The following C2CD2 variants were observed in gnomAD, a reference collection of about 807,000 sequenced individuals.
C2CD2 encodes C2 calcium dependent domain containing 2, also known as C2 domain-containing protein 2.
In C2CD2, 43 loss-of-function variants were observed where a neutral mutation model predicts 74.3. The observed-to-expected ratio is 0.58, with a 90% confidence interval of 0.45 to 0.75. The LOEUF is 0.75. Ranked by LOEUF, C2CD2 falls within the 30% of genes least tolerant of loss-of-function variation. The pLI is 0.00. For missense variants in C2CD2, 801 were observed against 916.3 expected (o/e 0.87, Z 1.63); for synonymous variants, 422 against 390.7 (o/e 1.08, Z -0.94).
At chr21:41,905,858 T>C (rs759932578) in intron 10 of C2CD2, 21 bp from the exon 11 acceptor site, 1 of 1,376,580 alleles carries the variant, frequency 7.3e-7, no homozygotes, top group Non-Finnish European at 1.0e-6. Context: ...AAGATCCTGA[T>C]TACAAAAGCG....
intron 6 of C2CD2, among the ~76,000 whole-genome samples, chr21:41,914,061 G>C (rs35769379): frequency 0.35 from 52,437 of 151,812 alleles, 9,521 homozygotes; most frequent in South Asian, 0.43. Flanking sequence ...AACCCTGTCT[G>C]TACTAAAAAT....
chr21:41,930,289 G>A (rs1180645414), intron 2 of C2CD2, among the ~76,000 whole-genome samples: 1 of 150,090 alleles, frequency 6.7e-6, no homozygotes, highest in African/African-American at 2.4e-5. Context: ...GGAGGTAAGA[G>A]GCTATAATTG....
rs1375216870 is a variant in C2CD2, at chr21:41,939,854, C to T, written c.378+2293G>A. On this transcript the variant is annotated intron_variant, in intron 2 of 13. Coordinates refer to ENST00000380486, the MANE Select transcript of C2CD2 (RefSeq NM_015500.2). This position sits in a 1 kb window ranked among gnomAD's most constrained non-coding sequence, Gnocchi z 5.5. ...ATACTTGGTCAAGCTGAAGTATGCA[C>T]ACCAGTGACCCGCCAGGCTCATGCC... Among the ~76,000 whole-genome samples, 2 of 152,210 alleles carry T rather than the reference C, an allele frequency of 1.3e-5. No homozygotes were observed. Among genetic ancestry groups the T allele is most frequent in the African/African-American group, 2.4e-5 (1 of 41,448 alleles).
rs1216792855 is a variant in C2CD2 at position 41,922,099 on chromosome 21, A to T, written c.379-14T>A. On this transcript the variant is annotated splice_polypyrimidine_tract_variant and intron_variant, in intron 2 of 13. Coordinates refer to ENST00000380486, the MANE Select transcript of C2CD2 (RefSeq NM_015500.2). Reference sequence around the variant, plus strand: ...ACAGACCACCACCTGGAGGAGGCACAGGTAAGGGAGAAAACTGTATCCAAA... The same window carrying T: ...ACAGACCACCACCTGGAGGAGGCACTGGTAAGGGAGAAAACTGTATCCAAA... 6.7e-7 allele frequency: 1 copy of T among 1,488,278 alleles called. No homozygotes were observed. Among genetic ancestry groups the T allele is most frequent in the Non-Finnish European group, 9.4e-7 (1 of 1,065,520 alleles). The allele number at this position is 1,488,278 out of a possible 1,614,324, so 92.2% of individuals were successfully genotyped here.
chr21:41,949,293 G>A (rs1026356738), intron 1 of C2CD2, among the ~76,000 whole-genome samples: 9 of 152,146 alleles, frequency 5.9e-5, no homozygotes, highest in Non-Finnish European at 1.2e-4. Flanking sequence ...TGATGTAATC[G>A]CAGGGGAGCA....
chr21:41,889,962 T>A (rs1009379284), intron 13 of C2CD2, among the ~76,000 whole-genome samples: 1 of 152,164 alleles, frequency 6.6e-6, no homozygotes, highest in Non-Finnish European at 1.5e-5. Flanking sequence ...TGATTTTCTA[T>A]CAGACCAAAT....
In C2CD2 at chr21:41,907,110, AG is replaced by A; in HGVS notation, c.1199del (p.Pro400LeufsTer5). On this transcript the variant is annotated frameshift_variant, in exon 10 of 14. Transcript: ENST00000380486. LOFTEE classifies it high-confidence loss of function. ...TGCGGTCCTTTTCTATTTTTGCAGC[AG>A]GAACAGGGGGAGGGATGGGCCAGGA... ...LKSWPIPPPV[P>X]AAKIEKDRTV... 6.2e-7 allele frequency: 1 copy of A among 1,614,080 alleles called. No homozygotes were observed. Among genetic ancestry groups the A allele is most frequent in the Non-Finnish European group, 8.5e-7 (1 of 1,179,894 alleles).
In C2CD2 at chr21:41,899,240, C is replaced by T. The variant is rs757087434; in HGVS notation, c.1683G>A (p.Glu561=). ...PERAAASAPP[E]EAESAQASLA... ...GGGATGCCTGGGCTGACTCGGCTTC[C>T]TCTGGCGGGGCAGAGGCTGCCGCCC... The change falls in exon 13 of 14, where the codon GAG becomes GAA. Residue 561 remains glutamate (E), a synonymous_variant. Transcript: ENST00000380486. This position sits in a 1 kb window ranked among gnomAD's most constrained non-coding sequence, Gnocchi z 4.4. The T allele has an allele frequency of 6.2e-7, 1 of 1,612,532 alleles. No homozygotes were observed. Among genetic ancestry groups the T allele is most frequent in the Admixed American group, 1.7e-5 (1 of 59,878 alleles).
intron 1 of C2CD2, among the ~76,000 whole-genome samples, chr21:41,944,251 G>A (rs544286616): frequency 6.6e-6 from 1 of 152,228 alleles, no homozygotes; most frequent in African/African-American, 2.4e-5. Flanking sequence ...CACGGCTCAC[G>A]CCTGTAACCC....
At chr21:41,898,403 A>T (rs1460665731) in intron 13 of C2CD2, among the ~76,000 whole-genome samples, 2 of 152,208 alleles carry the variant, frequency 1.3e-5, no homozygotes, top group African/African-American at 2.4e-5. Flanking sequence ...TGTCCTTAGC[A>T]AATACATTCA....
At chr21:41,930,399 C>T (rs1232623193) in intron 2 of C2CD2, among the ~76,000 whole-genome samples, 1 of 149,834 alleles carries the variant, frequency 6.7e-6, no homozygotes, top group South Asian at 2.1e-4. Context: ...TACTCTTTTT[C>T]TTAGAAAATG....
chr21:41,922,531 G>A (rs980128255), intron 2 of C2CD2, among the ~76,000 whole-genome samples: 1 of 150,334 alleles, frequency 6.7e-6, no homozygotes, highest in African/African-American at 2.5e-5. Flanking sequence ...CTGAAGTGCA[G>A]TGGAGCAATC....
chr21:41,936,441 C>A (rs2065307795), intron 2 of C2CD2, among the ~76,000 whole-genome samples: 1 of 152,188 alleles, frequency 6.6e-6, no homozygotes, highest in Non-Finnish European at 1.5e-5. Context: ...TGAGCAATAA[C>A]AAGTGCTGGT....
chr21:41,943,323 C>T (rs947893143), intron 1 of C2CD2, among the ~76,000 whole-genome samples: 5 of 152,054 alleles, frequency 3.3e-5, no homozygotes, highest in African/African-American at 9.7e-5. Context: ...AAACGAGAGA[C>T]GCACAATTAA....
At chr21:41,921,133 T>C (rs2065149868) in intron 3 of C2CD2, among the ~76,000 whole-genome samples, 1 of 152,218 alleles carries the variant, frequency 6.6e-6, no homozygotes, top group Non-Finnish European at 1.5e-5. Context: ...CATGCCTTTG[T>C]AGGAAAAGCA....
intron 7 of C2CD2, among the ~76,000 whole-genome samples, chr21:41,910,273 C>G (rs1310056825): frequency 1.3e-5 from 2 of 152,162 alleles, no homozygotes; most frequent in Non-Finnish European, 2.9e-5. Flanking sequence ...CTAAACAACC[C>G]TTCTTAATGT....
At position 41,889,274 on chromosome 21, in the gene C2CD2, A is replaced by T. The variant is rs1358927396; in HGVS notation, c.1941T>A (p.Ser647Arg). The change falls in exon 14 of 14, where the codon AGT (serine) becomes AGA (arginine). Residue 647 changes from serine (S) to arginine (R), a missense_variant. By Grantham distance (110) the Ser-to-Arg change is moderately radical. Coordinates refer to ENST00000380486, the MANE Select transcript of C2CD2 (RefSeq NM_015500.2). ...RRHQQKDPGM[S>R]QSHNDLVFLE... ...GGAACACAAGGTCATTGTGTGACTG[A>T]CTCATGCCTGGGTCTTTCTGTTGAT... The T allele has an allele frequency of 1.2e-6, 2 of 1,613,908 alleles. No individual in the cohort carries two copies. Among genetic ancestry groups the T allele is most frequent in the Non-Finnish European group, 1.7e-6 (2 of 1,179,986 alleles).
At position 41,899,486 on chromosome 21, in the gene C2CD2, G is replaced by A. The variant is rs1488747716; in HGVS notation, c.1561-124C>T. On this transcript the variant is annotated intron_variant, in intron 12 of 13. Transcript: ENST00000380486. This position sits in a 1 kb window ranked among gnomAD's most constrained non-coding sequence, Gnocchi z 4.4. ...TTTCAAAGTCTCAGAAGATGCAGCC[G>A]TGGGCCTCATAGAAGGCGCTTATAC... is the stretch of plus-strand genomic sequence containing the variant. The A allele has an allele frequency of 1.7e-5, 16 of 946,364 alleles. No individual in the cohort carries two copies. The highest frequency in any genetic ancestry group is 2.4e-4 in the Middle Eastern group (1 of 4,098). 58.6% of individuals were successfully genotyped at this position (946,364 alleles called of 1,614,324 possible). A position where few individuals can be genotyped will look rare whatever the true frequency, so the allele number is the denominator to read the frequency against.
At position 41,948,283 on chromosome 21, in the gene C2CD2, G is replaced by A. The variant is rs539910479; in HGVS notation, c.279+5087C>T. On this transcript the variant is annotated intron_variant, in intron 1 of 13. Coordinates refer to ENST00000380486, the MANE Select transcript of C2CD2 (RefSeq NM_015500.2). The stretch of plus-strand genomic sequence containing the variant: ...CTGAGACCAGGGCCTGCCCCGAGCC[G>A]GCTTTGTGCTGGGCACTGGGTCTGG... Among the ~76,000 whole-genome samples, 567 of 152,228 alleles carry A rather than the reference G, an allele frequency of 3.7e-3. 3 individuals carry two copies. The highest frequency in any genetic ancestry group is 0.011 in the African/African-American group (447 of 41,540).
Sources: allele counts gnomAD v4.1 joint callset (sites outside exome capture counted in the v4.1 genomes callset), GRCh38; gene constraint gnomAD v4.1.1; non-coding constraint Gnocchi (gnomAD v3.1); transcripts MANE v1.5; gene names NCBI Gene and HGNC (gene_info 2026-07-23, HGNC 2026-07-21).